LRP1B: variants seen among roughly 807,000 people sequenced by gnomAD.
LRP1B encodes LDL receptor related protein 1B.
A neutral mutation model predicts 556.6 loss-of-function variants in LRP1B; 217 were observed. That is an observed-to-expected ratio of 0.39 (90% CI 0.35 to 0.44). The LOEUF (loss-of-function observed/expected upper bound fraction) is 0.44, where lower values mean the gene tolerates loss of function less well. Ranked by LOEUF, LRP1B falls within the 20% of genes least tolerant of loss-of-function variation. The probability of loss-of-function intolerance (pLI) is 1.00; values close to 1 mark genes in which losing one functional copy is unlikely to be tolerated. For missense variants in LRP1B, 5,053 were observed against 5,620.8 expected (o/e 0.90, Z 3.23); for synonymous variants, 2,047 against 1,865.8 (o/e 1.10, Z -2.50).
At chr2:141,404,871 T>A (rs980819753) in intron 3 of LRP1B, among the ~76,000 whole-genome samples, 19 of 152,076 alleles carry the variant, frequency 1.2e-4, no homozygotes, top group Admixed American at 1.1e-3. Context: ...GAAGCCTTGA[T>A]TAAAATAGAG....
intron 43 of LRP1B, among the ~76,000 whole-genome samples, chr2:140,554,241 A>G (rs1393500368): frequency 2.6e-5 from 4 of 152,134 alleles, no homozygotes; most frequent in Non-Finnish European, 5.9e-5. Flanking sequence ...TCATGAGAAT[A>G]AATATAAACT....
chr2:140,628,756 C>A (rs1380492083), intron 41 of LRP1B, among the ~76,000 whole-genome samples: 2 of 152,032 alleles, frequency 1.3e-5, no homozygotes, highest in Non-Finnish European at 2.9e-5. Flanking sequence ...AATTATAATT[C>A]CCAGTGTTGG....
At chr2:140,898,374 A>G (rs1694010102) in intron 23 of LRP1B, 1 of 159,632 alleles carries the variant, frequency 6.3e-6, no homozygotes, top group African/African-American at 2.4e-5. Context: ...TCCCCTGCTG[A>G]ACCATCTGGC....
At chr2:141,521,192 C>G (rs1684517194) in intron 2 of LRP1B, among the ~76,000 whole-genome samples, 1 of 152,228 alleles carries the variant, frequency 6.6e-6, no homozygotes, top group African/African-American at 2.4e-5. Flanking sequence ...GTTCTTGGGT[C>G]TGACCCTTTA....
intron 41 of LRP1B, among the ~76,000 whole-genome samples, chr2:140,614,936 C>T (rs1186159578): frequency 1.3e-5 from 2 of 152,170 alleles, no homozygotes. Context: ...ATTGTTCATT[C>T]CTGGGCATAG....
At position 141,150,866 on chromosome 2, in the gene LRP1B, GGTTT is replaced by G. The variant is rs1227318276; in HGVS notation, c.1013+37551_1013+37554del. Among the ~76,000 whole-genome samples, 414 of 45,838 alleles carry G rather than the reference GGTTT, an allele frequency of 9.0e-3. 2 individuals are homozygous for G. The highest frequency in any genetic ancestry group is 0.02 in the East Asian group (42 of 2,052). The allele number at this position is 45,838 out of a possible 152,430, so 30.1% of individuals were successfully genotyped here. ...CAGATGGCCTTCATATTGTCATGCT[GGTTT>G]GTGTGTGTGTGTGTGTGTGTGTGTG... On this transcript the variant is annotated intron_variant, in intron 7 of 90. Coordinates refer to ENST00000389484, the MANE Select transcript of LRP1B (RefSeq NM_018557.3).
chr2:141,863,183 CAG>C (rs1330626721), intron 1 of LRP1B, among the ~76,000 whole-genome samples: 1 of 152,202 alleles, frequency 6.6e-6, no homozygotes, highest in African/African-American at 2.4e-5. Context: ...GCACCAAACA[CAG>C]TGCTTCCCAT....
At chr2:142,086,121 C>T (rs1399271089) in intron 1 of LRP1B, among the ~76,000 whole-genome samples, 8 of 152,136 alleles carry the variant, frequency 5.3e-5, no homozygotes, top group Non-Finnish European at 1.5e-5. Flanking sequence ...CTTGGTGTAT[C>T]TAGAACTGTC....
chr2:140,446,833 C>A (rs553137403), intron 63 of LRP1B, among the ~76,000 whole-genome samples: 3 of 151,976 alleles, frequency 2.0e-5, no homozygotes, highest in African/African-American at 7.2e-5. Flanking sequence ...AATGGAATTA[C>A]ATCAAATTAA....
chr2:140,853,307 A>G (rs1394491572), intron 27 of LRP1B, among the ~76,000 whole-genome samples: 1 of 152,138 alleles, frequency 6.6e-6, no homozygotes, highest in East Asian at 1.9e-4. Flanking sequence ...TCCCCAGTTT[A>G]TTACCATTAG....
chr2:141,006,835 T>C (rs2105375811), intron 14 of LRP1B, among the ~76,000 whole-genome samples: 1 of 152,066 alleles, frequency 6.6e-6, no homozygotes, highest in Non-Finnish European at 1.5e-5. Context: ...TTTCTGTATC[T>C]AAACATATAA....
intron 7 of LRP1B, among the ~76,000 whole-genome samples, chr2:141,118,526 A>C (rs2104989010): frequency 6.6e-6 from 1 of 152,078 alleles, no homozygotes; most frequent in East Asian, 1.9e-4. Flanking sequence ...ATGAAATGTA[A>C]TGGATAGAAA....
At chr2:141,297,522 A>G (rs1291764627) in intron 3 of LRP1B, among the ~76,000 whole-genome samples, 1 of 152,152 alleles carries the variant, frequency 6.6e-6, no homozygotes, top group Admixed American at 6.5e-5. Context: ...AACATAGTCT[A>G]TAGTCAACAT....
Position 141,923,861 on chromosome 2 carries a change from G to A in LRP1B, c.83-113460C>T, listed in dbSNP as rs1700264648. Among the ~76,000 whole-genome samples, 4 of 152,106 alleles carry A rather than the reference G, an allele frequency of 2.6e-5. No homozygotes were observed. The South Asian group carries it at 8.3e-4, about 32-fold the overall frequency. On this transcript the variant is annotated intron_variant, in intron 1 of 90. Transcript: ENST00000389484. ...AGCATAACCAACTTAGGAAAAGAAGGAGTGTTTCATCTGCAAGGTATTAAA... is the reference window on the plus strand; with the variant it reads ...AGCATAACCAACTTAGGAAAAGAAGAAGTGTTTCATCTGCAAGGTATTAAA...
chr2:141,706,032 C>G (rs1424648695), intron 2 of LRP1B, among the ~76,000 whole-genome samples: 2 of 152,004 alleles, frequency 1.3e-5, no homozygotes, highest in Non-Finnish European at 2.9e-5. Context: ...TAAGTATAAT[C>G]AGGAAACATT....
chr2:141,432,125 T>A (rs2104985972), intron 3 of LRP1B, among the ~76,000 whole-genome samples: 1 of 152,228 alleles, frequency 6.6e-6, no homozygotes, highest in East Asian at 1.9e-4. Flanking sequence ...GATGATAAAG[T>A]TCTCTTTCAC....
chr2:141,566,714 A>T (rs936860168), intron 2 of LRP1B, among the ~76,000 whole-genome samples: 5 of 152,086 alleles, frequency 3.3e-5, no homozygotes, highest in Admixed American at 6.6e-5. Context: ...AAACTCCTGG[A>T]TGGGTGCAAT....
At chr2:141,992,465 A>C (rs80072666) in intron 1 of LRP1B, among the ~76,000 whole-genome samples, 4,200 of 152,276 alleles carry the variant, frequency 0.028, 69 homozygotes, top group Non-Finnish European at 0.042. Flanking sequence ...GAAAATGTCT[A>C]CTTAGGAAAA....
intron 41 of LRP1B, among the ~76,000 whole-genome samples, chr2:140,682,683 TGTGTGTGTGTGTGTGC>T (rs1313755458): frequency 6.6e-6 from 1 of 151,346 alleles, no homozygotes; most frequent in Non-Finnish European, 1.5e-5. Flanking sequence ...TGCGTGTGTG[TGTGTGTGTGTGTGTGC>T]GTGCACCTTG....
Sources: gnomAD v4.1 joint callset for allele counts (sites outside exome capture counted in the v4.1 genomes callset) on GRCh38, gnomAD v4.1.1 for gene constraint, MANE v1.5 for transcripts, NCBI Gene and HGNC (gene_info 2026-07-23, HGNC 2026-07-21) for gene names.